GPM6A: variants seen among roughly 807,000 people sequenced by gnomAD.
GPM6A encodes neuronal membrane glycoprotein M6-a.
A neutral mutation model predicts 32.1 loss-of-function variants in GPM6A; 7 were observed. That is an observed-to-expected ratio of 0.22 (90% CI 0.12 to 0.41). The LOEUF (loss-of-function observed/expected upper bound fraction) is 0.41, where lower values mean the gene tolerates loss of function less well. Among genes scored for constraint, GPM6A ranks in the 10% least tolerant of loss-of-function variants. The pLI is 1.00. For synonymous variants in GPM6A, 130 were observed against 123.4 expected (o/e 1.05, Z -0.35); for missense variants, 235 against 347.2 (o/e 0.68, Z 2.57).
chr4:175,741,438 C>G (rs976670658), intron 1 of GPM6A, among the ~76,000 whole-genome samples: 2 of 152,008 alleles, frequency 1.3e-5, no homozygotes, highest in African/African-American at 2.4e-5. Flanking sequence ...TTAGTTTTAA[C>G]GTATGTATCT....
chr4:175,956,138 C>T (rs1233859818), intron 1 of GPM6A, among the ~76,000 whole-genome samples: 1 of 152,122 alleles, frequency 6.6e-6, no homozygotes, highest in East Asian at 1.9e-4. Context: ...TTAGAAGAAC[C>T]TCTTGAGGAT....
At chr4:175,644,131 T>TG (rs1215906560) in intron 4 of GPM6A, among the ~76,000 whole-genome samples, 2 of 149,098 alleles carry the variant, frequency 1.3e-5, no homozygotes, top group Non-Finnish European at 3.0e-5. Flanking sequence ...GTTTTTTTTT[T>TG]TTTTTTTTTT....
chr4:175,644,168 G>A (rs1194557451), intron 4 of GPM6A, among the ~76,000 whole-genome samples: 1 of 129,774 alleles, frequency 7.7e-6, no homozygotes, highest in Non-Finnish European at 1.6e-5. Context: ...CTTTTGCCCA[G>A]GCCAGACTGC....
chr4:175,931,896 G>T (rs1195730931), intron 1 of GPM6A, among the ~76,000 whole-genome samples: 1 of 151,786 alleles, frequency 6.6e-6, no homozygotes, highest in Admixed American at 6.6e-5. Flanking sequence ...ACCAGTCTGG[G>T]CAACATAACA....
At chr4:175,700,224 T>C (rs994580974) in intron 2 of GPM6A, among the ~76,000 whole-genome samples, 1 of 152,060 alleles carries the variant, frequency 6.6e-6, no homozygotes, top group Non-Finnish European at 1.5e-5. Flanking sequence ...TAAAAAAAAA[T>C]TATGATATTT....
At chr4:175,649,119 G>A (rs981469574) in intron 4 of GPM6A, among the ~76,000 whole-genome samples, 5 of 152,120 alleles carry the variant, frequency 3.3e-5, no homozygotes, top group East Asian at 1.9e-4. Flanking sequence ...ATCCCAGCAC[G>A]GCCTGCTGGG....
At chr4:175,780,785 C>T (rs572189086) in intron 1 of GPM6A, among the ~76,000 whole-genome samples, 7 of 152,178 alleles carry the variant, frequency 4.6e-5, no homozygotes, top group African/African-American at 1.7e-4. Context: ...CAATCAGTCC[C>T]CAGTGTGTTC....
intron 1 of GPM6A, among the ~76,000 whole-genome samples, chr4:175,825,437 A>G (rs1045954651): frequency 6.6e-6 from 1 of 152,228 alleles, no homozygotes; most frequent in African/African-American, 2.4e-5. Context: ...GGGCAAGTCC[A>G]TGAACACATA....
intron 1 of GPM6A, among the ~76,000 whole-genome samples, chr4:175,925,794 A>C (rs902401623): frequency 6.6e-6 from 1 of 151,770 alleles, no homozygotes; most frequent in African/African-American, 2.4e-5. Flanking sequence ...GTCAAAATTT[A>C]CAAATGTGTA....
At chr4:175,768,205 AG>A (rs956246813) in intron 1 of GPM6A, among the ~76,000 whole-genome samples, 1 of 152,218 alleles carries the variant, frequency 6.6e-6, no homozygotes, top group African/African-American at 2.4e-5. Context: ...TCTAAGAAAA[AG>A]CTTTCACCTG....
chr4:175,674,999 G>A (rs1165987088), intron 2 of GPM6A, among the ~76,000 whole-genome samples: 2 of 151,854 alleles, frequency 1.3e-5, no homozygotes, highest in Non-Finnish European at 2.9e-5. Context: ...ATAACAGATG[G>A]ATATATGGAT....
intron 1 of GPM6A, among the ~76,000 whole-genome samples, chr4:175,769,373 A>T (rs1733099497): frequency 6.6e-6 from 1 of 152,184 alleles, no homozygotes; most frequent in Admixed American, 6.5e-5. Flanking sequence ...CCCAGAAACA[A>T]TTCTAGGATG....
chr4:175,903,459 C>T (rs1738031062), intron 1 of GPM6A, among the ~76,000 whole-genome samples: 1 of 152,062 alleles, frequency 6.6e-6, no homozygotes, highest in African/African-American at 2.4e-5. Flanking sequence ...ATTTATATAT[C>T]ATCTCAAAGT....
At chr4:175,779,404 T>C (rs186408379) in intron 1 of GPM6A, among the ~76,000 whole-genome samples, 2 of 152,242 alleles carry the variant, frequency 1.3e-5, no homozygotes, top group Non-Finnish European at 2.9e-5. Context: ...CAAAGCACGT[T>C]ATATTTCACA....
At chr4:175,849,955 C>A (rs1736201214) in intron 1 of GPM6A, among the ~76,000 whole-genome samples, 1 of 152,090 alleles carries the variant, frequency 6.6e-6, no homozygotes, top group Admixed American at 6.6e-5. Flanking sequence ...CTAGCATGAG[C>A]AAACTCATAA....
At chr4:175,828,604 A>C (rs1415480002) in intron 1 of GPM6A, among the ~76,000 whole-genome samples, 2 of 152,200 alleles carry the variant, frequency 1.3e-5, no homozygotes, top group Non-Finnish European at 2.9e-5. Context: ...TAGGTTAATA[A>C]AATTAGCTTA....
At chr4:175,655,623 G>T (rs1742040533) in intron 3 of GPM6A, among the ~76,000 whole-genome samples, 2 of 151,830 alleles carry the variant, frequency 1.3e-5, no homozygotes, top group Admixed American at 6.6e-5. Context: ...TTGTATATGT[G>T]TGCCTTTATT....
chr4:175,897,415 C>A (rs1448546985), intron 1 of GPM6A, among the ~76,000 whole-genome samples: 1 of 152,146 alleles, frequency 6.6e-6, no homozygotes, highest in African/African-American at 2.4e-5. Context: ...GACAGGAAAG[C>A]CTGTGAAATG....
intron 1 of GPM6A, among the ~76,000 whole-genome samples, chr4:175,877,587 G>C (rs941720013): frequency 2.7e-4 from 41 of 152,136 alleles, no homozygotes; most frequent in Admixed American, 1.1e-3. Flanking sequence ...CAAATGTTGT[G>C]AGAACTCATT....
Sources: allele counts gnomAD v4.1 joint callset (sites outside exome capture counted in the v4.1 genomes callset), GRCh38; gene constraint gnomAD v4.1.1; transcripts MANE v1.5; gene names NCBI Gene and HGNC (gene_info 2026-07-23, HGNC 2026-07-21).